Variants in HDAC9 observed in about 807,000 individuals in gnomAD.
HDAC9 encodes histone deacetylase 9, also known as MEF-2 interacting transcription repressor (MITR) protein.
A neutral mutation model predicts 139.4 loss-of-function variants in HDAC9; 41 were observed. That is an observed-to-expected ratio of 0.29 (90% CI 0.23 to 0.38). The LOEUF is 0.38. Among genes scored for constraint, HDAC9 ranks in the 10% least tolerant of loss-of-function variants. The probability of loss-of-function intolerance (pLI) is 1.00; values close to 1 mark genes in which losing one functional copy is unlikely to be tolerated. For synonymous variants in HDAC9, 517 were observed against 476.2 expected, an observed-to-expected ratio of 1.09 and a Z score of -1.12; for missense variants, 1,147 against 1,297.0, an observed-to-expected ratio of 0.88 and a Z score of 1.78.
chr7:18,275,544 C>G (rs886674569), intron 2 of HDAC9, among the ~76,000 whole-genome samples: 1 of 152,180 alleles, frequency 6.6e-6, no homozygotes, highest in African/African-American at 2.4e-5. Context: ...TGGTATGGTC[C>G]TTGCCATCTG....
At chr7:18,732,554 T>TAC (rs59628483) in intron 13 of HDAC9, among the ~76,000 whole-genome samples, 122,912 of 124,906 alleles carry the variant, frequency 0.98, 60,488 homozygotes, top group Middle Eastern at 1. Context: ...ATAATGTATA[T>TAC]ACACACGTGT....
chr7:18,820,810 T>C (rs1794908639), intron 17 of HDAC9, among the ~76,000 whole-genome samples: 1 of 152,212 alleles, frequency 6.6e-6, no homozygotes, highest in Non-Finnish European at 1.5e-5. Flanking sequence ...ACAAATGTAT[T>C]AAATAATCAC....
At chr7:18,237,555 G>A (rs909959653) in intron 2 of HDAC9, among the ~76,000 whole-genome samples, 2 of 152,170 alleles carry the variant, frequency 1.3e-5, no homozygotes, top group Non-Finnish European at 2.9e-5. Context: ...GAGAACACAT[G>A]TTAGTCTAGG....
At chr7:18,286,093 C>T (rs1357823002), upstream of HDAC9, among the ~76,000 whole-genome samples, 1 of 152,016 alleles carries the variant, frequency 6.6e-6, no homozygotes, top group African/African-American at 2.4e-5. Context: ...ATTTAGTTCA[C>T]AAACTGTATA....
intron 5 of HDAC9, among the ~76,000 whole-genome samples, 157 bp from the exon 6 acceptor site, chr7:18,593,751 A>G (rs917038507): frequency 3.3e-5 from 5 of 152,172 alleles, no homozygotes; most frequent in African/African-American, 1.2e-4. Context: ...ATACTGCTAC[A>G]GTGAACTTGG....
At chr7:18,653,722 G>A (rs1283675392) in intron 11 of HDAC9, among the ~76,000 whole-genome samples, 3 of 152,174 alleles carry the variant, frequency 2.0e-5, no homozygotes, top group East Asian at 1.9e-4. Context: ...GTTCTGACAA[G>A]CAAGGCATGA....
chr7:18,636,966 G>A (rs997464520), intron 8 of HDAC9, among the ~76,000 whole-genome samples: 3 of 151,938 alleles, frequency 2.0e-5, no homozygotes, highest in African/African-American at 7.3e-5. Context: ...AAGGATCTGG[G>A]TTCTAATCAG....
chr7:18,756,622 A>G (rs1334006040), intron 14 of HDAC9, among the ~76,000 whole-genome samples: 3 of 152,240 alleles, frequency 2.0e-5, no homozygotes, highest in East Asian at 3.8e-4. Flanking sequence ...ATAGAATCCT[A>G]TCATCTTAAG....
At chr7:18,135,330 T>A (rs1485490887) in intron 1 of HDAC9, among the ~76,000 whole-genome samples, 1 of 150,932 alleles carries the variant, frequency 6.6e-6, no homozygotes, top group Non-Finnish European at 1.5e-5. Context: ...ACTTTAAGTT[T>A]TAGGATACAT....
intron 17 of HDAC9, among the ~76,000 whole-genome samples, chr7:18,803,439 G>C (rs939935706): frequency 6.6e-6 from 1 of 151,864 alleles, no homozygotes; most frequent in Non-Finnish European, 1.5e-5. Context: ...CTCTGTTCTG[G>C]GATTGTTTTC....
chr7:18,246,591 G>T (rs1794549515), intron 2 of HDAC9, among the ~76,000 whole-genome samples: 1 of 152,050 alleles, frequency 6.6e-6, no homozygotes, highest in South Asian at 2.1e-4. Flanking sequence ...TTTTGGGGAG[G>T]TGAAGAGGCT....
chr7:18,875,489 C>T (rs1330308414), intron 22 of HDAC9, among the ~76,000 whole-genome samples: 5 of 152,098 alleles, frequency 3.3e-5, no homozygotes, highest in South Asian at 4.1e-4. Flanking sequence ...AAAGAAATAG[C>T]GTCATGCCAA....
intron 1 of HDAC9, among the ~76,000 whole-genome samples, chr7:18,340,999 C>T (rs540206610): frequency 7.4e-5 from 11 of 147,788 alleles, no homozygotes; most frequent in Admixed American, 1.4e-4. Flanking sequence ...CCCAAGTTGA[C>T]TTTTTTTTTT....
chr7:18,383,448 A>G lies in HDAC9; in HGVS notation c.-42+92933A>G, dbSNP rs1785619702. Among the ~76,000 whole-genome samples, 9 of 152,352 alleles carry G rather than the reference A, an allele frequency of 5.9e-5. No homozygotes were observed. The South Asian group carries it at 1.7e-3, about 28-fold the overall frequency. ...TTGGCACCCTGTTCAGGTATATGAT[A>G]AAACTGGCATTTAAGTTAGTAAAGA... is the stretch of plus-strand genomic sequence containing the variant. On this transcript the variant is annotated intron_variant, in intron 1 of 3. Transcript: ENST00000413509.
intron 2 of HDAC9, among the ~76,000 whole-genome samples, chr7:18,182,238 G>C (rs1789500621): frequency 6.6e-6 from 1 of 152,130 alleles, no homozygotes; most frequent in African/African-American, 2.4e-5. Context: ...AGGCAGGAGG[G>C]TAAAATGTAT....
rs10634223 is a variant in HDAC9 at position 18,474,199 on chromosome 7, C to CAATAT, written c.-41-22060_-41-22059insATAAT. ...TAAATTAAATTACATTTAAAAACAA[C>CAATAT]AATGTGGCAAAATGTTAATAATGGG... On this transcript the variant is annotated intron_variant, in intron 1 of 3. Coordinates refer to the HDAC9 transcript ENST00000413509. Among the ~76,000 whole-genome samples, 1,306 of 152,298 alleles carry CAATAT rather than the reference C, an allele frequency of 8.6e-3. 18 individuals are homozygous for CAATAT. The highest frequency in any genetic ancestry group is 0.03 in the African/African-American group (1,228 of 41,556).
At chr7:18,139,859 T>TA (rs1584280700) in intron 1 of HDAC9, among the ~76,000 whole-genome samples, 1 of 152,160 alleles carries the variant, frequency 6.6e-6, no homozygotes, top group Admixed American at 6.5e-5. Flanking sequence ...CTCCGGAAGT[T>TA]AGAGTCTTCA....
chr7:18,758,192 G>T (rs1584984713), intron 14 of HDAC9, among the ~76,000 whole-genome samples: 1 of 152,250 alleles, frequency 6.6e-6, no homozygotes, highest in Non-Finnish European at 1.5e-5. Context: ...TTGACTCCAG[G>T]TGAGAAATCC....
intron 1 of HDAC9, among the ~76,000 whole-genome samples, chr7:18,093,628 T>C (rs1168769857): frequency 6.6e-6 from 1 of 152,222 alleles, no homozygotes; most frequent in Non-Finnish European, 1.5e-5. Context: ...GCACTGTGTC[T>C]CCTTTCTTTC....
Sources: gnomAD v4.1 joint callset for allele counts (sites outside exome capture counted in the v4.1 genomes callset) on GRCh38, gnomAD v4.1.1 for gene constraint, MANE v1.5 for transcripts, NCBI Gene and HGNC (gene_info 2026-07-23, HGNC 2026-07-21) for gene names.